The following ST6GALNAC3 variants were observed in gnomAD, a reference collection of about 807,000 sequenced individuals.
ST6GALNAC3 encodes alpha-N-acetylgalactosaminide alpha-2,6-sialyltransferase 3.
In ST6GALNAC3, 25 loss-of-function variants were observed where a neutral mutation model predicts 32.7. The observed-to-expected ratio is 0.76, with a 90% CI of 0.56 to 1.07. The LOEUF (loss-of-function observed/expected upper bound fraction) is 1.07. ST6GALNAC3 is among the 50% of genes least tolerant of loss of function. The probability of loss-of-function intolerance (pLI) is 0.00; values close to 1 mark genes in which losing one functional copy is unlikely to be tolerated. For missense variants in ST6GALNAC3, 355 were observed against 382.4 expected, an observed-to-expected ratio of 0.93 and a Z score of 0.60; for synonymous variants, 129 against 133.1, an observed-to-expected ratio of 0.97 and a Z score of 0.21.
chr1:76,473,222 C>T (rs900882671), intron 3 of ST6GALNAC3, among the ~76,000 whole-genome samples: 2 of 152,052 alleles, frequency 1.3e-5, no homozygotes, highest in African/African-American at 4.8e-5. Context: ...GAGTAGAACT[C>T]ATAAATGAAG....
chr1:76,341,081 G>A (rs957931350), intron 2 of ST6GALNAC3, among the ~76,000 whole-genome samples: 1 of 151,490 alleles, frequency 6.6e-6, no homozygotes, highest in African/African-American at 2.4e-5. Context: ...AATGGTACAG[G>A]TAGAGGTTTA....
chr1:76,601,117 G>C (rs1408510399), intron 3 of ST6GALNAC3, among the ~76,000 whole-genome samples: 1 of 152,164 alleles, frequency 6.6e-6, no homozygotes. Flanking sequence ...AGGATCATTT[G>C]ACCTGGGAAG....
chr1:76,306,759 G>C (rs774732577), intron 1 of ST6GALNAC3, among the ~76,000 whole-genome samples: 1 of 151,196 alleles, frequency 6.6e-6, no homozygotes, highest in Non-Finnish European at 1.5e-5. Flanking sequence ...CATGATAAGA[G>C]GTTACATTGA....
At chr1:76,209,847 C>A (rs539794899) in intron 1 of ST6GALNAC3, among the ~76,000 whole-genome samples, 1 of 152,300 alleles carries the variant, frequency 6.6e-6, no homozygotes, top group South Asian at 2.1e-4. Flanking sequence ...TGAATCTAAG[C>A]CCCACTCTCT....
At chr1:76,353,940 G>T in intron 2 of ST6GALNAC3, 1 of 180,754 alleles carries the variant, frequency 5.5e-6, no homozygotes, top group East Asian at 1.3e-4. Context: ...AAGCCCCAGG[G>T]ATTCTAAACA....
chr1:76,549,085 C>T (rs1664466324), intron 3 of ST6GALNAC3, among the ~76,000 whole-genome samples: 1 of 152,208 alleles, frequency 6.6e-6, no homozygotes, highest in Non-Finnish European at 1.5e-5. Flanking sequence ...TTTACACATA[C>T]ATCCTTTGTA....
chr1:76,271,399 T>C (rs1037552555), intron 1 of ST6GALNAC3, among the ~76,000 whole-genome samples: 1 of 152,258 alleles, frequency 6.6e-6, no homozygotes, highest in East Asian at 1.9e-4. Context: ...CAATTATTTA[T>C]TGAGTACCCA....
intron 1 of ST6GALNAC3, among the ~76,000 whole-genome samples, chr1:76,312,790 A>G (rs1646791142): frequency 1.3e-5 from 2 of 152,128 alleles, no homozygotes; most frequent in Non-Finnish European, 2.9e-5. Context: ...TTGTGTTTCT[A>G]GCTTTTTCTC....
chr1:76,620,620 A>T, intron 3 of ST6GALNAC3, among the ~76,000 whole-genome samples: 1 of 151,972 alleles, frequency 6.6e-6, no homozygotes, highest in Non-Finnish European at 1.5e-5. Context: ...TGCTTTTCTT[A>T]TAAGGAAACT....
At chr1:76,525,915 C>T (rs1428690843) in intron 3 of ST6GALNAC3, among the ~76,000 whole-genome samples, 1 of 148,906 alleles carries the variant, frequency 6.7e-6, no homozygotes, top group East Asian at 2.0e-4. Flanking sequence ...AGATGGACAC[C>T]TCTTTAATAT....
At chr1:76,609,781 C>T (rs1168141068) in intron 3 of ST6GALNAC3, among the ~76,000 whole-genome samples, 1 of 151,852 alleles carries the variant, frequency 6.6e-6, no homozygotes, top group African/African-American at 2.4e-5. Context: ...TATTACCTGT[C>T]CCCCCTCCTT....
At chr1:76,142,163 G>A (rs938347347) in intron 1 of ST6GALNAC3, among the ~76,000 whole-genome samples, 1 of 152,154 alleles carries the variant, frequency 6.6e-6, no homozygotes. Context: ...GAGGGAATGC[G>A]GAGAGGGGTG....
intron 2 of ST6GALNAC3, among the ~76,000 whole-genome samples, chr1:76,380,074 A>G (rs1651582997): frequency 6.6e-6 from 1 of 152,202 alleles, no homozygotes; most frequent in Non-Finnish European, 1.5e-5. Flanking sequence ...ATTAAGAAAA[A>G]TAAATGAGAG....
chr1:76,238,489 G>A (rs143073116), intron 1 of ST6GALNAC3, among the ~76,000 whole-genome samples: 1,820 of 152,136 alleles, frequency 0.012, 21 homozygotes, highest in Middle Eastern at 0.044. Flanking sequence ...TATTTTTCCC[G>A]CTATGCCCAG....
chr1:76,432,923 G>A (rs1213057900), intron 3 of ST6GALNAC3, among the ~76,000 whole-genome samples: 1 of 152,240 alleles, frequency 6.6e-6, no homozygotes, highest in Non-Finnish European at 1.5e-5. Flanking sequence ...TTCTACAGGC[G>A]GTTTTGAGGA....
chr1:76,269,669 T>C (rs1359695904), intron 1 of ST6GALNAC3, among the ~76,000 whole-genome samples: 1 of 152,240 alleles, frequency 6.6e-6, no homozygotes, highest in Admixed American at 6.5e-5. Flanking sequence ...TCTCCTACTG[T>C]GGCTTTCTTA....
chr1:76,314,117 T>G (rs776425033), intron 2 of ST6GALNAC3, 118 bp downstream of exon 2: 13 of 902,836 alleles, frequency 1.4e-5, no homozygotes, highest in South Asian at 6.4e-5. Context: ...AGAGCTTGCT[T>G]GGGTCCCTGA....
chr1:76,221,292 T>C (rs1473427625), intron 1 of ST6GALNAC3, among the ~76,000 whole-genome samples: 1 of 152,156 alleles, frequency 6.6e-6, no homozygotes, highest in African/African-American at 2.4e-5. Context: ...CATCATAAAC[T>C]TACGTTTTAT....
At chr1:76,090,663 G>T (rs1375557009) in intron 1 of ST6GALNAC3, among the ~76,000 whole-genome samples, 1 of 152,106 alleles carries the variant, frequency 6.6e-6, no homozygotes, top group Non-Finnish European at 1.5e-5. Flanking sequence ...CTCCTCCAAG[G>T]CACTCAGCCT....
Sources: gnomAD v4.1 joint callset for allele counts (sites outside exome capture counted in the v4.1 genomes callset) on GRCh38, gnomAD v4.1.1 for gene constraint, MANE v1.5 for transcripts, NCBI Gene and HGNC (gene_info 2026-07-23, HGNC 2026-07-21) for gene names.